The following CAMK1D variants were observed in gnomAD, a reference collection of about 807,000 sequenced individuals.
CAMK1D encodes calcium/calmodulin dependent protein kinase ID, also known as calcium/calmodulin-dependent protein kinase type 1D.
In CAMK1D, 9 loss-of-function variants were observed where a neutral mutation model predicts 47.7. The ratio of observed to expected loss-of-function variants is 0.19; its 90% CI spans 0.11 to 0.33. The LOEUF is 0.33. Among genes scored for constraint, CAMK1D ranks in the 10% least tolerant of loss-of-function variants. The pLI, the probability that CAMK1D is intolerant of heterozygous loss-of-function variation, is 1.00. For synonymous variants in CAMK1D, 184 were observed against 184.9 expected, an observed-to-expected ratio of 0.99 and a Z score of 0.04; for missense variants, 291 against 488.7, an observed-to-expected ratio of 0.60 and a Z score of 3.81.
chr10:12,635,415 T>C (rs1426246024), intron 2 of CAMK1D, among the ~76,000 whole-genome samples: 2 of 152,194 alleles, frequency 1.3e-5, no homozygotes, highest in Admixed American at 6.5e-5. Flanking sequence ...CCGATGGGAA[T>C]AGGTTAGATA....
chr10:12,598,313 A>T (rs1433498244), intron 2 of CAMK1D, among the ~76,000 whole-genome samples: 1 of 152,222 alleles, frequency 6.6e-6, no homozygotes, highest in African/African-American at 2.4e-5. Context: ...GTGGGTTCCC[A>T]CTTCAGCCTG....
In CAMK1D at chr10:12,387,409, A is replaced by ATATATATTTTATATATTTTATATATTT. The variant is rs1207416018; in HGVS notation, c.92+37525_92+37526insTTATATATTTTATATATTTTATATATT. 2.6e-4 allele frequency among the ~76,000 whole-genome samples: 10 copies of ATATATATTTTATATATTTTATATATTT among 38,010 alleles called. 1 individual carries two copies. Among genetic ancestry groups the ATATATATTTTATATATTTTATATATTT allele is most frequent in the Middle Eastern group, 0.038 (2 of 52 alleles). 24.9% of individuals were successfully genotyped at this position (38,010 alleles called of 152,430 possible). On this transcript the variant is annotated intron_variant, in intron 1 of 10. Coordinates refer to ENST00000619168, the MANE Select transcript of CAMK1D (RefSeq NM_153498.4). ...TATATATTATATATTTTTATATATTATATATATTTTATATATTTTATATAT... is the reference window on the plus strand; with the variant it reads ...TATATATTATATATTTTTATATATTATATATATTTTATATATTTTATATATTTTATATATTTTATATATTTTATATAT...
At position 12,470,812 on chromosome 10, in the gene CAMK1D, C is replaced by T. The variant is rs750025113; in HGVS notation, c.93-82413C>T. Among the ~76,000 whole-genome samples the T allele has an allele frequency of 1.4e-4, 22 of 152,260 alleles. No individual in the cohort carries two copies. In the Middle Eastern group the frequency reaches 0.014, roughly 94 times the overall value. On this transcript the variant is annotated intron_variant, in intron 1 of 10. Transcript: ENST00000619168. ...GATTACAGGCGTGAGCCACCTTGCC[C>T]GGTCGTGTGTGGTTTTTGAATCCCA... is the stretch of plus-strand genomic sequence containing the variant.
chr10:12,724,862 A>G (rs942731555), intron 3 of CAMK1D, among the ~76,000 whole-genome samples: 1 of 150,614 alleles, frequency 6.6e-6, no homozygotes, highest in Non-Finnish European at 1.5e-5. Context: ...CCTGGGTGAC[A>G]GAGCCAGACC....
intron 2 of CAMK1D, among the ~76,000 whole-genome samples, chr10:12,579,817 A>G (rs1385384922): frequency 6.6e-6 from 1 of 152,170 alleles, no homozygotes; most frequent in Non-Finnish European, 1.5e-5. Context: ...ACACTTCTTA[A>G]GCGAGAGGTC....
intron 6 of CAMK1D, among the ~76,000 whole-genome samples, chr10:12,792,891 T>C (rs1020300594): frequency 1.3e-5 from 2 of 152,190 alleles, no homozygotes; most frequent in Non-Finnish European, 2.9e-5. Context: ...TTGAGGTGTG[T>C]TTCACATCCT....
chr10:12,522,739 G>A (rs370219289), intron 1 of CAMK1D, among the ~76,000 whole-genome samples: 9 of 151,302 alleles, frequency 5.9e-5, no homozygotes, highest in South Asian at 4.2e-4. Context: ...GGTGGTGGCC[G>A]GGCAGAGGGG....
At chr10:12,554,764 G>T (rs1423938637) in intron 2 of CAMK1D, among the ~76,000 whole-genome samples, 2 of 151,782 alleles carry the variant, frequency 1.3e-5, no homozygotes, top group Non-Finnish European at 2.9e-5. Flanking sequence ...GGCTGGTCTT[G>T]AACTCCTGGC....
intron 6 of CAMK1D, among the ~76,000 whole-genome samples, chr10:12,796,020 C>A (rs545656715): frequency 6.6e-6 from 1 of 152,342 alleles, no homozygotes; most frequent in African/African-American, 2.4e-5. Flanking sequence ...TCAAGATGAA[C>A]CTCAGCATCT....
chr10:12,486,003 A>G (rs1834201848), intron 1 of CAMK1D, among the ~76,000 whole-genome samples: 1 of 152,152 alleles, frequency 6.6e-6, no homozygotes, highest in Non-Finnish European at 1.5e-5. Context: ...GAGTGCCACA[A>G]GATTAGCAGA....
In CAMK1D at chr10:12,481,677, T is replaced by G. The variant is rs530175408; in HGVS notation, c.93-71548T>G. Reference sequence around the variant, plus strand: ...GGCGTGTACCACCACGCCCGGCTAATTTTTATATTTTTAGTAGAGACGGGG... The same window carrying G: ...GGCGTGTACCACCACGCCCGGCTAAGTTTTATATTTTTAGTAGAGACGGGG... On this transcript the variant is annotated intron_variant, in intron 1 of 10. Coordinates refer to ENST00000619168, the MANE Select transcript of CAMK1D (RefSeq NM_153498.4). Among the ~76,000 whole-genome samples the G allele has an allele frequency of 2.6e-5, 4 of 152,142 alleles. No homozygotes were observed. The South Asian group carries it at 8.3e-4, about 32-fold the overall frequency.
intron 1 of CAMK1D, among the ~76,000 whole-genome samples, chr10:12,385,554 C>G (rs1467952412): frequency 6.6e-6 from 1 of 152,020 alleles, no homozygotes; most frequent in Non-Finnish European, 1.5e-5. Flanking sequence ...GTAGACAAAT[C>G]TATAGATACA....
chr10:12,507,641 C>T (rs1350437165), intron 1 of CAMK1D, among the ~76,000 whole-genome samples: 2 of 152,166 alleles, frequency 1.3e-5, no homozygotes, highest in East Asian at 3.8e-4. Flanking sequence ...GTTCACATTG[C>T]ACAGAGGCAC....
chr10:12,700,749 G>A (rs190175651), intron 3 of CAMK1D, among the ~76,000 whole-genome samples: 25 of 152,350 alleles, frequency 1.6e-4, no homozygotes, highest in African/African-American at 5.8e-4. Flanking sequence ...AGCCTGGAAT[G>A]TGCATGTCCA....
chr10:12,587,270 C>T (rs969846492), intron 2 of CAMK1D, among the ~76,000 whole-genome samples: 2 of 152,106 alleles, frequency 1.3e-5, no homozygotes, highest in African/African-American at 4.8e-5. Flanking sequence ...GATCGCTTTC[C>T]TAGAATATAC....
intron 3 of CAMK1D, among the ~76,000 whole-genome samples, chr10:12,738,823 C>T (rs1835294454): frequency 6.6e-6 from 1 of 152,092 alleles, no homozygotes; most frequent in South Asian, 2.1e-4. Flanking sequence ...CAGAGCAAGA[C>T]TCTGTCTCTA....
At chr10:12,801,303 A>ATCTG (rs1280299921) in intron 6 of CAMK1D, among the ~76,000 whole-genome samples, 4 of 97,832 alleles carry the variant, frequency 4.1e-5, no homozygotes, top group Non-Finnish European at 8.4e-5. Flanking sequence ...GTGTGTATCT[A>ATCTG]TCTATCTATC....
chr10:12,716,907 C>T (rs926678366), intron 3 of CAMK1D, among the ~76,000 whole-genome samples: 7 of 152,132 alleles, frequency 4.6e-5, no homozygotes, highest in African/African-American at 7.2e-5. Context: ...CAAGGGAAAG[C>T]GTGAACTGGC....
At chr10:12,818,698 C>G (rs1832903905) in intron 8 of CAMK1D, among the ~76,000 whole-genome samples, 1 of 127,916 alleles carries the variant, frequency 7.8e-6, no homozygotes, top group East Asian at 2.3e-4. Context: ...GGTAAATTAA[C>G]TTAGCCGAGA....
Sources: gnomAD v4.1 joint callset for allele counts (sites outside exome capture counted in the v4.1 genomes callset) on GRCh38, gnomAD v4.1.1 for gene constraint, MANE v1.5 for transcripts, NCBI Gene and HGNC (gene_info 2026-07-23, HGNC 2026-07-21) for gene names.